Variants in RSPH10B2 observed in about 807,000 individuals in gnomAD.
The protein encoded by RSPH10B2 is radial spoke head 10 homolog B2 (Chlamydomonas).
A neutral mutation model predicts 49.0 loss-of-function variants in RSPH10B2; 9 were observed. That is an observed-to-expected ratio of 0.18 (90% confidence interval 0.11 to 0.32). RSPH10B2 has a LOEUF of 0.32. Ranked by LOEUF, RSPH10B2 falls within the 10% of genes least tolerant of loss-of-function variation. RSPH10B2 has a pLI of 1.00. For missense variants in RSPH10B2, 95 were observed against 589.9 expected (o/e 0.16, Z 8.69); for synonymous variants, 35 against 210.2 (o/e 0.17, Z 7.21).
At chr7:6,791,429 T>C (rs147682250) in intron 16 of RSPH10B2, among the ~76,000 whole-genome samples, 7,451 of 130,342 alleles carry the variant, frequency 0.057, 3 homozygotes, top group South Asian at 0.11. Context: ...ATTAATAATA[T>C]AAATATTTTA....
upstream of RSPH10B2, among the ~76,000 whole-genome samples, chr7:6,756,232 C>T (rs1469885709): frequency 3.6e-4 from 50 of 140,192 alleles, no homozygotes; most frequent in African/African-American, 1.1e-3. Flanking sequence ...ATCGCACCAC[C>T]GCACTCCAGC....
At chr7:6,786,457 G>T (rs1782184438) in intron 14 of RSPH10B2, among the ~76,000 whole-genome samples, 1 of 113,122 alleles carries the variant, frequency 8.8e-6, no homozygotes, top group Non-Finnish European at 1.7e-5. Context: ...GCCTCCCAAA[G>T]TGCTGGGATT....
chr7:6,768,398 A>T, intron 6 of RSPH10B2, among the ~76,000 whole-genome samples, 192 bp from the exon 9 acceptor site: 1 of 151,098 alleles, frequency 6.6e-6, no homozygotes, highest in Non-Finnish European at 1.5e-5. Flanking sequence ...AGAGGGCTTA[A>T]GTGATCTGCC....
intron 6 of RSPH10B2, among the ~76,000 whole-genome samples, chr7:6,767,756 A>AT (rs1222472314): frequency 0.066 from 1,170 of 17,622 alleles, 2 homozygotes; most frequent in East Asian, 0.3. Flanking sequence ...TAAAAAAATA[A>AT]TTTTTTTTTT....
chr7:6,794,093 C>T (rs10266030), intron 17 of RSPH10B2: 4,210 of 29,798 alleles, frequency 0.14, 696 homozygotes, highest in South Asian at 0.2. Flanking sequence ...TGCTGCTAGG[C>T]ATCTTGGGGG....
chr7:6,781,903 A>G (rs1234419446), intron 13 of RSPH10B2, among the ~76,000 whole-genome samples: 4 of 107,042 alleles, frequency 3.7e-5, no homozygotes, highest in Non-Finnish European at 1.9e-5. Flanking sequence ...TATAATAAAT[A>G]TATATATTTT....
In RSPH10B2 at chr7:6,767,014, G is replaced by A. The variant is rs535290081; in HGVS notation, c.780+137G>A. Reference sequence around the variant, plus strand: ...CTCTCTCTGTCTGTCTCCCAGGCTGGAGTGCACTGGCGCAATCTTGGCTCA... The same window carrying A: ...CTCTCTCTGTCTGTCTCCCAGGCTGAAGTGCACTGGCGCAATCTTGGCTCA... On this transcript the variant is annotated intron_variant, in intron 6 of 18. Coordinates refer to ENST00000297186, the Ensembl canonical transcript of RSPH10B2. The A allele has an allele frequency of 2.3e-3, 980 of 417,642 alleles. 58 individuals carry two copies. Among genetic ancestry groups the A allele is most frequent in the African/African-American group, 0.021 (866 of 40,876 alleles). 25.9% of individuals were successfully genotyped at this position (417,642 alleles called of 1,614,324 possible).
At chr7:6,793,794 A>G (rs892805086) in intron 17 of RSPH10B2, among the ~76,000 whole-genome samples, 2 of 147,188 alleles carry the variant, frequency 1.4e-5, no homozygotes, top group African/African-American at 5.0e-5. Flanking sequence ...CAGTGAGCTG[A>G]GACCATGCCA....
In RSPH10B2 at chr7:6,796,669, C is replaced by A; in HGVS notation, c.2335C>A (p.Arg779Ser). The A allele has an allele frequency of 2.4e-6, 3 of 1,262,188 alleles. No individual in the cohort carries two copies. Among genetic ancestry groups the A allele is most frequent in the Non-Finnish European group, 3.1e-6 (3 of 956,452 alleles). 78.2% of individuals were successfully genotyped at this position (1,262,188 alleles called of 1,614,324 possible). A position where few individuals can be genotyped will look rare whatever the true frequency, so the allele number is the denominator to read the frequency against. ...GAACACGCTCTTTCATGCGTATAAA[C>A]GTGAAGAAGCTATCAAGGAGAAAAT... is the stretch of plus-strand genomic sequence containing the variant. The change falls in exon 18 of 19, where the codon CGT becomes AGT. Residue 779 changes from arginine to serine, a missense_variant. Arg to Ser is a moderately radical substitution (Grantham distance 110). Transcript: ENST00000297186.
intron 11 of RSPH10B2, among the ~76,000 whole-genome samples, chr7:6,780,370 A>T (rs567076773): frequency 3.2e-5 from 4 of 123,096 alleles, no homozygotes; most frequent in African/African-American, 9.0e-5. Flanking sequence ...ATCTTTTTTT[A>T]AAAAAACTTT....
At chr7:6,761,533 G>A (rs1781263469) in intron 3 of RSPH10B2, 1 of 148,552 alleles carries the variant, frequency 6.7e-6, no homozygotes, top group Non-Finnish European at 1.5e-5. Context: ...GCGACATCCC[G>A]CCTTCTAGCC....
chr7:6,764,510 A>T (rs1357377280), intron 4 of RSPH10B2, among the ~76,000 whole-genome samples: 2 of 149,984 alleles, frequency 1.3e-5, no homozygotes, highest in South Asian at 2.2e-4. Context: ...ACAGGTGTGC[A>T]CCACCACGCC....
At chr7:6,756,084 C>G (rs1341225446), upstream of RSPH10B2, among the ~76,000 whole-genome samples, 1 of 150,616 alleles carries the variant, frequency 6.6e-6, no homozygotes, top group Non-Finnish European at 1.5e-5. Flanking sequence ...CTGGCTAACC[C>G]GGTGAAACCC....
At chr7:6,761,064 T>C (rs1338030343) in intron 3 of RSPH10B2, among the ~76,000 whole-genome samples, 36 of 32,988 alleles carry the variant, frequency 1.1e-3, no homozygotes, top group South Asian at 3.2e-3. Context: ...GATCTGTTTT[T>C]AGTGGCTGCA....
At chr7:6,752,434 TG>T (rs1780914534), upstream of RSPH10B2, among the ~76,000 whole-genome samples, 1 of 123,734 alleles carries the variant, frequency 8.1e-6, no homozygotes, top group Non-Finnish European at 1.7e-5. Context: ...GAAGTAAAGA[TG>T]CCCTCTTGGG....
At chr7:6,755,997 C>T (rs1417016074), upstream of RSPH10B2, among the ~76,000 whole-genome samples, 9 of 148,184 alleles carry the variant, frequency 6.1e-5, no homozygotes, top group African/African-American at 7.7e-5. Flanking sequence ...CACCCACACC[C>T]GGTGACTCAC....
intron 13 of RSPH10B2, among the ~76,000 whole-genome samples, chr7:6,783,290 A>G (rs1256509736): frequency 4.3e-5 from 5 of 116,256 alleles, no homozygotes; most frequent in Non-Finnish European, 6.9e-5. Context: ...TCGGACTCCC[A>G]AAGTGCTGGG....
chr7:6,784,512 A>T (rs1422678911), intron 13 of RSPH10B2, among the ~76,000 whole-genome samples: 2 of 38,940 alleles, frequency 5.1e-5, no homozygotes, highest in Non-Finnish European at 4.1e-5. Context: ...TGAGTGATTT[A>T]AAAAAAAAAA....
At chr7:6,782,047 G>A (rs1429818150) in intron 13 of RSPH10B2, among the ~76,000 whole-genome samples, 10 of 111,198 alleles carry the variant, frequency 9.0e-5, no homozygotes, top group African/African-American at 3.5e-4. Context: ...CTAAGTAGCT[G>A]GGATTACAGG....
Sources: allele counts gnomAD v4.1 joint callset (sites outside exome capture counted in the v4.1 genomes callset), GRCh38; gene constraint gnomAD v4.1.1; transcripts MANE v1.5; gene names NCBI Gene and HGNC (gene_info 2026-07-23, HGNC 2026-07-21).